Variants in GRM7 observed in about 807,000 individuals in gnomAD.
GRM7 encodes the protein glutamate metabotropic receptor 7.
Under a neutral mutation model 84.5 loss-of-function variants are expected in GRM7, and 35 were observed. That is an observed-to-expected ratio of 0.41 (90% CI 0.32 to 0.55). The LOEUF (loss-of-function observed/expected upper bound fraction) is 0.55, where lower values mean the gene tolerates loss of function less well. GRM7 is among the 20% of genes least tolerant of loss of function. GRM7 has a pLI of 0.19. For synonymous variants in GRM7, 487 were observed against 455.1 expected, an observed-to-expected ratio of 1.07 and a Z score of -0.89; for missense variants, 1,003 against 1,194.6, an observed-to-expected ratio of 0.84 and a Z score of 2.36.
intron 3 of GRM7, among the ~76,000 whole-genome samples, chr3:7,301,720 A>C (rs1409902409): frequency 3.3e-5 from 5 of 152,196 alleles, no homozygotes; most frequent in African/African-American, 1.2e-4. Flanking sequence ...TAGTGATGAC[A>C]ATAATTATTC....
At chr3:7,367,964 AC>A (rs1244126636) in intron 4 of GRM7, among the ~76,000 whole-genome samples, 1 of 15,450 alleles carries the variant, frequency 6.5e-5, no homozygotes, top group Non-Finnish European at 1.2e-4. Context: ...GAAAAAATCA[AC>A]AACAACAACA....
chr3:6,929,086 CA>C (rs1697406090), intron 1 of GRM7, among the ~76,000 whole-genome samples: 1 of 152,146 alleles, frequency 6.6e-6, no homozygotes, highest in Non-Finnish European at 1.5e-5. Context: ...CTGTTCCATT[CA>C]GTGTGATATT....
intron 8 of GRM7, among the ~76,000 whole-genome samples, chr3:7,612,407 A>G (rs1559438944): frequency 6.6e-6 from 1 of 152,224 alleles, no homozygotes; most frequent in Non-Finnish European, 1.5e-5. Flanking sequence ...GAGAAGTCAA[A>G]GATGAGTCCC....
chr3:7,454,016 T>C (rs189349647), intron 6 of GRM7, among the ~76,000 whole-genome samples: 24 of 151,332 alleles, frequency 1.6e-4, no homozygotes, highest in African/African-American at 5.3e-4. Flanking sequence ...TTCTGAGGCC[T>C]AAAGTGCCCC....
chr3:7,463,265 G>A lies in GRM7; in HGVS notation c.1515+1543G>A, dbSNP rs1047524115. 5.3e-5 allele frequency among the ~76,000 whole-genome samples: 8 copies of A among 152,162 alleles called. No homozygotes were observed. In the East Asian group the frequency reaches 5.8e-4, roughly 11 times the overall value. ...GGCACATATAATTTGTCCAATATCC[G>A]TAAGAGTTCCCAAGTAGCATTCACC... On this transcript the variant is annotated intron_variant, in intron 7 of 9. Coordinates refer to ENST00000357716, the MANE Select transcript of GRM7 (RefSeq NM_000844.4).
At chr3:7,310,312 T>C (rs190197133) in intron 4 of GRM7, among the ~76,000 whole-genome samples, 1 of 152,332 alleles carries the variant, frequency 6.6e-6, no homozygotes, top group Admixed American at 6.5e-5. Flanking sequence ...CTGCAATGTA[T>C]GTAGGAATAG....
In GRM7 at chr3:7,290,009, AAAAAT is replaced by A. The variant is rs534978493; in HGVS notation, c.737-8665_737-8661del. On this transcript the variant is annotated intron_variant, in intron 2 of 9. Transcript: ENST00000357716. Reference sequence around the variant, plus strand: ...GTACCCTAGAACTTAAAGTATAATAAAAAATAAAATAAAAATAAAAATAAAAAAAG... The same window carrying A: ...GTACCCTAGAACTTAAAGTATAATAAAAAATAAAAATAAAAATAAAAAAAG... Among the ~76,000 whole-genome samples the A allele has an allele frequency of 2.7e-3, 416 of 152,134 alleles. 1 individual carries two copies. Among genetic ancestry groups the A allele is most frequent in the African/African-American group, 9.1e-3 (378 of 41,540 alleles).
chr3:7,547,244 T>TCGCCCAGGCTGGAGTGCAGTGG (rs1401331072), intron 7 of GRM7, among the ~76,000 whole-genome samples: 6 of 135,960 alleles, frequency 4.4e-5, no homozygotes, highest in Admixed American at 8.0e-5. Flanking sequence ...TCTCACTCTG[T>TCGCCCAGGCTGGAGTGCAGTGG]CGCCCAGGCT....
chr3:7,231,494 C>T (rs1426543224), intron 2 of GRM7, among the ~76,000 whole-genome samples: 1 of 152,068 alleles, frequency 6.6e-6, no homozygotes, highest in Non-Finnish European at 1.5e-5. Context: ...CTATATTGGT[C>T]AAGTCTCAAA....
At chr3:7,286,162 T>C (rs1699424231) in intron 2 of GRM7, among the ~76,000 whole-genome samples, 1 of 152,234 alleles carries the variant, frequency 6.6e-6, no homozygotes, top group Non-Finnish European at 1.5e-5. Context: ...CTCATAATCA[T>C]AAAGGTGATT....
chr3:7,495,637 G>T (rs1180209753), intron 7 of GRM7, among the ~76,000 whole-genome samples: 1 of 152,126 alleles, frequency 6.6e-6, no homozygotes, highest in Non-Finnish European at 1.5e-5. Flanking sequence ...TCTCCCGATT[G>T]CTTATTTCTG....
At chr3:6,973,487 GTA>G (rs1293461977) in intron 1 of GRM7, among the ~76,000 whole-genome samples, 3 of 152,076 alleles carry the variant, frequency 2.0e-5, no homozygotes, top group African/African-American at 7.2e-5. Context: ...ATGTATGTGT[GTA>G]TATTTACATA....
At chr3:6,946,526 T>C (rs1698088418) in intron 1 of GRM7, among the ~76,000 whole-genome samples, 1 of 152,210 alleles carries the variant, frequency 6.6e-6, no homozygotes, top group Non-Finnish European at 1.5e-5. Flanking sequence ...TGGCTTAGGA[T>C]TGACATGGCA....
chr3:7,238,824 C>T (rs114005822), intron 2 of GRM7, among the ~76,000 whole-genome samples: 1,795 of 146,264 alleles, frequency 0.012, 41 homozygotes, highest in African/African-American at 0.045. Flanking sequence ...TTTCCCTCCT[C>T]TCCTCTCCCC....
chr3:7,126,138 G>A (rs1417234488), intron 1 of GRM7, among the ~76,000 whole-genome samples: 1 of 152,216 alleles, frequency 6.6e-6, no homozygotes, highest in Non-Finnish European at 1.5e-5. Context: ...CTGGTGGGTT[G>A]TAAAGATGGG....
intron 1 of GRM7, among the ~76,000 whole-genome samples, chr3:6,870,063 A>ACTCTCTCCTCCCTCCT (rs1695071620): frequency 1.4e-5 from 2 of 140,092 alleles, no homozygotes; most frequent in Non-Finnish European, 3.1e-5. Flanking sequence ...TCCCTTCTCC[A>ACTCTCTCCTCCCTCCT]CTCTCTCCTC....
intron 7 of GRM7, among the ~76,000 whole-genome samples, chr3:7,493,345 G>T (rs181774138): frequency 1.1e-3 from 165 of 151,924 alleles, no homozygotes; most frequent in African/African-American, 3.6e-3. Context: ...CTGAGGTTCT[G>T]TGTTTTAGTG....
chr3:7,143,509 G>T (rs1253867198), intron 1 of GRM7, among the ~76,000 whole-genome samples: 1 of 152,122 alleles, frequency 6.6e-6, no homozygotes, highest in Non-Finnish European at 1.5e-5. Context: ...TCTTAAGCCA[G>T]GAGATATTCC....
At chr3:7,134,129 A>G (rs1298706117) in intron 1 of GRM7, among the ~76,000 whole-genome samples, 1 of 152,142 alleles carries the variant, frequency 6.6e-6, no homozygotes. Flanking sequence ...TAGGTATTTC[A>G]TCTTAACCCT....
Sources: allele counts gnomAD v4.1 joint callset (sites outside exome capture counted in the v4.1 genomes callset), GRCh38; gene constraint gnomAD v4.1.1; transcripts MANE v1.5; gene names NCBI Gene and HGNC (gene_info 2026-07-23, HGNC 2026-07-21).